RGS9: variants seen among roughly 807,000 people sequenced by gnomAD.
The protein encoded by RGS9 is regulator of G-protein signalling 9.
RGS9 carries 78 observed loss-of-function variants against 102.0 expected under a neutral mutation model. The ratio of observed to expected loss-of-function variants is 0.76; its 90% CI spans 0.64 to 0.92. The LOEUF (loss-of-function observed/expected upper bound fraction) is 0.92, where lower values mean the gene tolerates loss of function less well. Among genes scored for constraint, RGS9 ranks in the 40% least tolerant of loss-of-function variants. The pLI, the probability that RGS9 is intolerant of heterozygous loss-of-function variation, is 0.00. For synonymous variants in RGS9, 353 were observed against 318.6 expected (o/e 1.11, Z -1.15); for missense variants, 833 against 866.1 (o/e 0.96, Z 0.48).
chr17:65,166,318 G>T (rs138519316), intron 7 of RGS9, among the ~76,000 whole-genome samples: 7 of 152,086 alleles, frequency 4.6e-5, no homozygotes, highest in Non-Finnish European at 1.0e-4. Flanking sequence ...AAGAATTGTA[G>T]ACATATTTAA....
intron 6 of RGS9, among the ~76,000 whole-genome samples, chr17:65,161,479 T>C (rs1237096659): frequency 6.6e-6 from 1 of 152,142 alleles, no homozygotes; most frequent in Admixed American, 6.5e-5. Flanking sequence ...CTCGAACTTC[T>C]GACCTCAAGT....
At chr17:65,182,910 T>G (rs964901782) in intron 9 of RGS9, among the ~76,000 whole-genome samples, 1 of 152,228 alleles carries the variant, frequency 6.6e-6, no homozygotes, top group African/African-American at 2.4e-5. Flanking sequence ...AACAGTGAAC[T>G]GCATTTTTAT....
intron 9 of RGS9, among the ~76,000 whole-genome samples, chr17:65,188,300 A>G (rs940735301): frequency 6.6e-6 from 1 of 152,194 alleles, no homozygotes; most frequent in Admixed American, 6.5e-5. Context: ...TAACTCAAAA[A>G]GTTGAGAGGG....
chr17:65,137,415 T>C lies in RGS9; in HGVS notation c.-126T>C. ...AGTCAGGGGGGCCCGGCCCGCGCCC[T>C]CCCCGCCCAGCCGCCTCCCCGTCGA... On this transcript the variant is annotated 5_prime_UTR_variant, in exon 1 of 19. Coordinates refer to ENST00000262406, the MANE Select transcript of RGS9 (RefSeq NM_003835.4). 1.1e-6 allele frequency: 1 copy of C among 946,054 alleles called. No individual in the cohort carries two copies. The highest frequency in any genetic ancestry group is 1.7e-6 in the Non-Finnish European group (1 of 593,956). The allele number at this position is 946,054 out of a possible 1,614,324, so 58.6% of individuals were successfully genotyped here. A position where few individuals can be genotyped will look rare whatever the true frequency, so the allele number is the denominator to read the frequency against.
intron 10 of RGS9, 58 bp from the exon 11 acceptor site, chr17:65,190,117 A>C: frequency 7.5e-7 from 1 of 1,329,024 alleles, no homozygotes; most frequent in Non-Finnish European, 1.1e-6. Flanking sequence ...GGCTGTGTGT[A>C]GTGACACTGA....
At chr17:65,151,031 A>G (rs1367645486) in intron 1 of RGS9, among the ~76,000 whole-genome samples, 1 of 152,194 alleles carries the variant, frequency 6.6e-6, no homozygotes, top group African/African-American at 2.4e-5. Context: ...ACTAGTGTCA[A>G]ACATCCAGTT....
chr17:65,207,295 A>G (rs545580647), intron 15 of RGS9, among the ~76,000 whole-genome samples: 4 of 152,350 alleles, frequency 2.6e-5, no homozygotes, highest in African/African-American at 7.2e-5. Flanking sequence ...TGCTGGCTTC[A>G]CTGAACCACT....
Position 65,161,553 on chromosome 17 carries a change from G to A in RGS9, c.423+644G>A, listed in dbSNP as rs1016389636. Among the ~76,000 whole-genome samples, 11 of 151,342 alleles carry A rather than the reference G, an allele frequency of 7.3e-5. No individual in the cohort carries two copies. The South Asian group carries it at 1.0e-3, about 14-fold the overall frequency. On this transcript the variant is annotated intron_variant, in intron 6 of 18. Transcript: ENST00000262406. ...AGGTGTGAGCCATCGTGCCTGGCCCGAACTTCAATTTATGATGGGAAAACA... is the reference window on the plus strand; with the variant it reads ...AGGTGTGAGCCATCGTGCCTGGCCCAAACTTCAATTTATGATGGGAAAACA...
rs978730422 is a variant in RGS9, at chr17:65,193,668, A to G, written c.860+12A>G. On this transcript the variant is annotated intron_variant, in intron 12 of 18. Coordinates refer to ENST00000262406, the MANE Select transcript of RGS9 (RefSeq NM_003835.4). ...TTAAATGCCAAATTGTATGTATTTT[A>G]TATATTGGTGTTTTTTAAAAAACCG... 1.3e-6 allele frequency: 2 copies of G among 1,547,814 alleles called. No homozygotes were observed. The highest frequency in any genetic ancestry group is 2.2e-5 in the South Asian group (2 of 89,726).
rs1905625718 is a variant in RGS9 at position 65,225,540 on chromosome 17, C to T, written c.1892+54C>T. 2.5e-6 allele frequency: 4 copies of T among 1,598,360 alleles called. No individual in the cohort carries two copies. The African/African-American group carries it at 4.0e-5, about 16-fold the overall frequency. Reference sequence around the variant, plus strand: ...GCATGGGTGGCTGTGGGTGTGCAGGCCTCTGCATGTGAATATGCATGCTTT... The same window carrying T: ...GCATGGGTGGCTGTGGGTGTGCAGGTCTCTGCATGTGAATATGCATGCTTT... On this transcript the variant is annotated intron_variant, in intron 18 of 18. Transcript: ENST00000262406.
At chr17:65,144,655 C>T (rs1056051439) in intron 1 of RGS9, among the ~76,000 whole-genome samples, 1 of 152,092 alleles carries the variant, frequency 6.6e-6, no homozygotes, top group Non-Finnish European at 1.5e-5. Flanking sequence ...GAGCATGCCC[C>T]CAAGGACACA....
At chr17:65,199,132 TA>T (rs1912717055) in intron 13 of RGS9, among the ~76,000 whole-genome samples, 1 of 152,260 alleles carries the variant, frequency 6.6e-6, no homozygotes, top group African/African-American at 2.4e-5. Context: ...ATTTACTTTT[TA>T]AAAAGATTTT....
At chr17:65,144,691 A>T (rs895619386) in intron 1 of RGS9, among the ~76,000 whole-genome samples, 1 of 152,188 alleles carries the variant, frequency 6.6e-6, no homozygotes, top group Non-Finnish European at 1.5e-5. Context: ...GGTCTGCTGA[A>T]GTTTGCAGCA....
intron 1 of RGS9, among the ~76,000 whole-genome samples, chr17:65,147,494 A>T (rs1367120456): frequency 1.3e-5 from 2 of 151,778 alleles, no homozygotes; most frequent in Non-Finnish European, 2.9e-5. Flanking sequence ...TGCCTGAGTG[A>T]CAGGTGGCAG....
At chr17:65,204,826 C>T (rs1912988838) in intron 15 of RGS9, among the ~76,000 whole-genome samples, 1 of 152,140 alleles carries the variant, frequency 6.6e-6, no homozygotes. Context: ...AAAGACAGCC[C>T]ACAAGTTAGG....
At chr17:65,152,904 T>C (rs1172675903) in intron 1 of RGS9, among the ~76,000 whole-genome samples, 1 of 152,214 alleles carries the variant, frequency 6.6e-6, no homozygotes, top group Non-Finnish European at 1.5e-5. Context: ...TCTGCAAACT[T>C]CTTCACACTT....
intron 9 of RGS9, among the ~76,000 whole-genome samples, chr17:65,185,641 G>C (rs1194733429): frequency 1.3e-5 from 2 of 152,180 alleles, no homozygotes; most frequent in Non-Finnish European, 2.9e-5. Context: ...CCTATTAATG[G>C]AGAGCAAGCT....
intron 13 of RGS9, 122 bp downstream of exon 13, chr17:65,197,363 A>C (rs969294717): frequency 2.8e-6 from 2 of 724,402 alleles, no homozygotes; most frequent in Non-Finnish European, 4.9e-6. Context: ...TTATGCCCTT[A>C]AACAGTTGCT....
At chr17:65,214,207 C>T (rs765152553) in intron 17 of RGS9, among the ~76,000 whole-genome samples, 8 of 152,218 alleles carry the variant, frequency 5.3e-5, no homozygotes, top group Admixed American at 1.3e-4. Flanking sequence ...AAGTGATGCA[C>T]CAACCTCAGC....
Sources: allele counts gnomAD v4.1 joint callset (sites outside exome capture counted in the v4.1 genomes callset), GRCh38; gene constraint gnomAD v4.1.1; transcripts MANE v1.5; gene names NCBI Gene and HGNC (gene_info 2026-07-23, HGNC 2026-07-21).